The following KCNMB2 variants were observed in gnomAD, a reference collection of about 807,000 sequenced individuals.
KCNMB2 encodes the protein potassium calcium-activated channel subfamily M regulatory beta subunit 2.
Under a neutral mutation model 24.5 loss-of-function variants are expected in KCNMB2, and 9 were observed. The ratio of observed to expected loss-of-function variants is 0.37; its 90% CI spans 0.22 to 0.64. The LOEUF (loss-of-function observed/expected upper bound fraction) is 0.64. KCNMB2 is among the 30% of genes least tolerant of loss of function. KCNMB2 has a pLI of 0.63. For synonymous variants in KCNMB2, 109 were observed against 104.4 expected (o/e 1.04, Z -0.27); for missense variants, 226 against 284.3 (o/e 0.79, Z 1.47).
At chr3:178,759,313 GAGGATATATAT>G (rs1711572365) in intron 1 of KCNMB2, among the ~76,000 whole-genome samples, 1 of 92,042 alleles carries the variant, frequency 1.1e-5, no homozygotes, top group South Asian at 3.4e-4. Flanking sequence ...ATATCTCCAA[GAGGATATATAT>G]ATATATATAT....
chr3:178,613,969 T>C (rs972084078), intron 1 of KCNMB2, among the ~76,000 whole-genome samples: 1 of 151,812 alleles, frequency 6.6e-6, no homozygotes, highest in Admixed American at 6.6e-5. Flanking sequence ...ATTTTCTTGA[T>C]CCTGTAGGTG....
chr3:178,643,907 C>T (rs1719815843), intron 1 of KCNMB2, among the ~76,000 whole-genome samples: 1 of 152,316 alleles, frequency 6.6e-6, no homozygotes, highest in Middle Eastern at 3.4e-3. Flanking sequence ...TAGACCTTGC[C>T]CATGGAACTA....
rs71181249 is a variant in KCNMB2 at position 178,765,636 on chromosome 3, C to CGTGTGCATGTGTTCCTGTCCGTGT, written c.-67-41695_-67-41694insTCCTGTCCGTGTGTGTGCATGTGT. Among the ~76,000 whole-genome samples the CGTGTGCATGTGTTCCTGTCCGTGT allele has an allele frequency of 3.7e-3, 555 of 151,672 alleles. 9 individuals are homozygous for CGTGTGCATGTGTTCCTGTCCGTGT. The highest frequency in any genetic ancestry group is 0.013 in the African/African-American group (523 of 41,236). On this transcript the variant is annotated intron_variant, in intron 1 of 4. Transcript: ENST00000452583. ...GAATTTGTGTGTGTGTGTGCACGCG[C>CGTGTGCATGTGTTCCTGTCCGTGT]GTGTGCATGTGTGCATGTCCACGTG...
intron 1 of KCNMB2, among the ~76,000 whole-genome samples, chr3:178,668,156 T>C (rs1720784069): frequency 6.6e-6 from 1 of 152,142 alleles, no homozygotes; most frequent in Admixed American, 6.6e-5. Context: ...GAGCCACTGC[T>C]CTGCGGCAAG....
rs1041222579 is a variant in KCNMB2 at position 178,624,583 on chromosome 3, T to A, written c.-68+87872T>A. Among the ~76,000 whole-genome samples, 6 of 83,180 alleles carry A rather than the reference T, an allele frequency of 7.2e-5. 1 individual carries two copies. The highest frequency in any genetic ancestry group is 4.5e-4 in the African/African-American group (6 of 13,312). The allele number at this position is 83,180 out of a possible 152,430, so 54.6% of individuals were successfully genotyped here. A position where few individuals can be genotyped will look rare whatever the true frequency, so the allele number is the denominator to read the frequency against. ...AGAAAGATTCAGTAGCTTTCTATTT[T>A]TTCTTTTTTTCTTTCTTTTTTTTTT... is the stretch of plus-strand genomic sequence containing the variant. On this transcript the variant is annotated intron_variant, in intron 1 of 4. Transcript: ENST00000452583.
chr3:178,652,616 C>T (rs2108561070), intron 1 of KCNMB2, among the ~76,000 whole-genome samples: 1 of 147,554 alleles, frequency 6.8e-6, no homozygotes, highest in African/African-American at 2.5e-5. Context: ...CTCTTTGCTC[C>T]TTTTTTTTTC....
chr3:178,710,327 T>C (rs1722409457), intron 1 of KCNMB2, among the ~76,000 whole-genome samples: 2 of 152,214 alleles, frequency 1.3e-5, no homozygotes, highest in Non-Finnish European at 2.9e-5. Flanking sequence ...GAGGTTTTTT[T>C]CTTCTTTCCC....
intron 1 of KCNMB2, among the ~76,000 whole-genome samples, chr3:178,744,630 G>C (rs1201049783): frequency 6.6e-6 from 1 of 152,052 alleles, no homozygotes; most frequent in East Asian, 1.9e-4. Context: ...CAGTGGCTCA[G>C]TGTCATGCTT....
intron 1 of KCNMB2, among the ~76,000 whole-genome samples, chr3:178,641,772 C>T (rs1219630766): frequency 6.6e-6 from 1 of 152,114 alleles, no homozygotes; most frequent in Non-Finnish European, 1.5e-5. Context: ...TTCTCTTTAA[C>T]ATCATGCCAA....
chr3:178,661,441 A>G (rs1296287936), intron 1 of KCNMB2, among the ~76,000 whole-genome samples: 1 of 151,464 alleles, frequency 6.6e-6, no homozygotes, highest in East Asian at 1.9e-4. Flanking sequence ...GTGCTGCAAT[A>G]AACATTTTTT....
chr3:178,560,416 T>C (rs939076096), intron 1 of KCNMB2, among the ~76,000 whole-genome samples: 2 of 152,148 alleles, frequency 1.3e-5, no homozygotes, highest in African/African-American at 4.8e-5. Flanking sequence ...TGAAAACAAA[T>C]AATGCAAAAT....
intron 1 of KCNMB2, among the ~76,000 whole-genome samples, chr3:178,804,302 A>C (rs139707346): frequency 0.015 from 2,339 of 152,358 alleles, 27 homozygotes; most frequent in Middle Eastern, 0.068. Flanking sequence ...GCCAGCTTCC[A>C]TTAACATATT....
intron 2 of KCNMB2, among the ~76,000 whole-genome samples, chr3:178,818,113 G>A (rs1714479216): frequency 6.6e-6 from 1 of 152,162 alleles, no homozygotes; most frequent in South Asian, 2.1e-4. Context: ...GTATCTGATA[G>A]CTTCAGGATT....
At chr3:178,701,484 A>C (rs1404877107) in intron 1 of KCNMB2, among the ~76,000 whole-genome samples, 2 of 152,070 alleles carry the variant, frequency 1.3e-5, no homozygotes, top group Non-Finnish European at 2.9e-5. Context: ...TTTTTTTCCA[A>C]TTCTGTGAAG....
At chr3:178,686,525 G>A (rs1227392820) in intron 1 of KCNMB2, among the ~76,000 whole-genome samples, 2 of 152,000 alleles carry the variant, frequency 1.3e-5, no homozygotes, top group Non-Finnish European at 2.9e-5. Flanking sequence ...AACCTGCTTC[G>A]GGCCAGAAAA....
chr3:178,765,052 T>A (rs148346283), intron 1 of KCNMB2, among the ~76,000 whole-genome samples: 143 of 152,378 alleles, frequency 9.4e-4, no homozygotes, highest in Non-Finnish European at 1.6e-3. Context: ...TAACGTAGTA[T>A]GGGAATCTTC....
intron 2 of KCNMB2, among the ~76,000 whole-genome samples, chr3:178,823,090 AGCCCACTG>A (rs1356604314): frequency 3.9e-5 from 6 of 152,238 alleles, no homozygotes; most frequent in Middle Eastern, 3.2e-3. Flanking sequence ...AAAAGCTTTC[AGCCCACTG>A]GCTTTAGCTG....
intron 1 of KCNMB2, among the ~76,000 whole-genome samples, chr3:178,802,417 CT>C (rs1713807652): frequency 1.3e-5 from 2 of 152,168 alleles, no homozygotes; most frequent in Admixed American, 1.3e-4. Flanking sequence ...CCACTTTGTT[CT>C]TTCCCTGCCC....
chr3:178,683,423 A>G (rs1721344145), intron 1 of KCNMB2, among the ~76,000 whole-genome samples: 3 of 152,100 alleles, frequency 2.0e-5, no homozygotes. Context: ...AAACCTCAGC[A>G]TCATGCAATA....
Sources: allele counts gnomAD v4.1 joint callset (sites outside exome capture counted in the v4.1 genomes callset), GRCh38; gene constraint gnomAD v4.1.1; transcripts MANE v1.5; gene names NCBI Gene and HGNC (gene_info 2026-07-23, HGNC 2026-07-21).